The following CA10 variants were observed in gnomAD, a reference collection of about 807,000 sequenced individuals.
CA10 encodes carbonic anhydrase-related protein 10.
CA10 carries 14 observed loss-of-function variants against 44.2 expected under a neutral mutation model. The ratio of observed to expected loss-of-function variants is 0.32; its 90% CI spans 0.21 to 0.50. CA10 has a LOEUF of 0.50. CA10 is among the 20% of genes least tolerant of loss of function. The pLI is 0.99. For missense variants in CA10, 350 were observed against 409.7 expected (o/e 0.85, Z 1.26); for synonymous variants, 159 against 141.6 (o/e 1.12, Z -0.87).
At chr17:52,122,026 T>C (rs1438435445) in intron 1 of CA10, among the ~76,000 whole-genome samples, 2 of 152,194 alleles carry the variant, frequency 1.3e-5, no homozygotes, top group Non-Finnish European at 2.9e-5. Flanking sequence ...GTGTAGCAAA[T>C]ATCCTTTTAT....
At chr17:51,975,777 C>T (rs1598148648) in intron 2 of CA10, among the ~76,000 whole-genome samples, 2 of 149,920 alleles carry the variant, frequency 1.3e-5, no homozygotes, top group Admixed American at 1.3e-4. Flanking sequence ...GCACTAAAAT[C>T]GCTAGATCGT....
intron 4 of CA10, among the ~76,000 whole-genome samples, chr17:51,680,970 A>G (rs1410796878): frequency 6.6e-6 from 1 of 152,168 alleles, no homozygotes; most frequent in East Asian, 1.9e-4. Context: ...AAATCCAAAG[A>G]GAATCTATAT....
chr17:51,952,546 C>A (rs1983524040), intron 2 of CA10, among the ~76,000 whole-genome samples: 2 of 63,258 alleles, frequency 3.2e-5, no homozygotes, highest in African/African-American at 5.5e-5. Flanking sequence ...CAGAGAGGGA[C>A]CCTGTCTCAA....
At chr17:51,894,370 T>C (rs1177275146) in intron 3 of CA10, among the ~76,000 whole-genome samples, 2 of 151,872 alleles carry the variant, frequency 1.3e-5, no homozygotes, top group Non-Finnish European at 2.9e-5. Flanking sequence ...GTTTCCAGAG[T>C]GGGCACTAGC....
At chr17:51,845,828 T>C (rs1282329801) in intron 3 of CA10, among the ~76,000 whole-genome samples, 1 of 152,234 alleles carries the variant, frequency 6.6e-6, no homozygotes, top group African/African-American at 2.4e-5. Context: ...GACTGGCTTC[T>C]GTGAATGAGT....
chr17:51,857,818 C>T (rs1379099635), intron 3 of CA10, among the ~76,000 whole-genome samples: 3 of 152,124 alleles, frequency 2.0e-5, no homozygotes, highest in African/African-American at 7.2e-5. Flanking sequence ...CCTGTCTAGT[C>T]TGCAGGAACA....
chr17:51,997,938 G>A (rs1985293640), intron 2 of CA10, among the ~76,000 whole-genome samples: 1 of 152,066 alleles, frequency 6.6e-6, no homozygotes, highest in African/African-American at 2.4e-5. Flanking sequence ...TTGTAACAAT[G>A]TCAGCCTCCT....
At position 52,115,815 on chromosome 17, in the gene CA10, T is replaced by C. The variant is rs139963592; in HGVS notation, c.61+41911A>G. ...ACAGCAATTAAAAGTTTCTCTCAGC[T>C]GGGCACAGTGGCTCACGCCTGTAAT... On this transcript the variant is annotated intron_variant, in intron 1 of 8. Coordinates refer to ENST00000451037, the MANE Select transcript of CA10 (RefSeq NM_020178.5). Among the ~76,000 whole-genome samples the C allele has an allele frequency of 3.1e-3, 479 of 152,308 alleles. 15 individuals carry two copies. Among genetic ancestry groups the C allele is most frequent in the Admixed American group, 0.027 (407 of 15,304 alleles).
intron 1 of CA10, among the ~76,000 whole-genome samples, chr17:52,091,290 T>C (rs899270090): frequency 1.3e-5 from 2 of 152,160 alleles, no homozygotes; most frequent in Non-Finnish European, 2.9e-5. Flanking sequence ...ATGATTAGGA[T>C]AAAAATGGTA....
At chr17:52,130,681 A>G (rs1324912775) in intron 1 of CA10, among the ~76,000 whole-genome samples, 2 of 152,088 alleles carry the variant, frequency 1.3e-5, no homozygotes, top group African/African-American at 2.4e-5. Flanking sequence ...CAAAGGATAT[A>G]CATGTCTTTT....
At chr17:51,941,815 A>G (rs1272578362) in intron 2 of CA10, among the ~76,000 whole-genome samples, 1 of 152,166 alleles carries the variant, frequency 6.6e-6, no homozygotes, top group Non-Finnish European at 1.5e-5. Context: ...ATTTCCCACA[A>G]ATTCAAACAT....
intron 3 of CA10, among the ~76,000 whole-genome samples, chr17:51,851,665 G>A (rs919043336): frequency 6.6e-6 from 1 of 152,168 alleles, no homozygotes; most frequent in Non-Finnish European, 1.5e-5. Flanking sequence ...GTCAAGGGTT[G>A]TATCCACTTA....
At chr17:51,938,574 T>C (rs1276917659) in intron 2 of CA10, among the ~76,000 whole-genome samples, 2 of 152,168 alleles carry the variant, frequency 1.3e-5, no homozygotes, top group Non-Finnish European at 2.9e-5. Context: ...CAATAGGGTT[T>C]TTAACTCCAA....
chr17:52,123,337 G>A (rs1245908381), intron 1 of CA10, among the ~76,000 whole-genome samples: 2 of 147,676 alleles, frequency 1.4e-5, no homozygotes, highest in Non-Finnish European at 3.0e-5. Flanking sequence ...ATGTGTGTGT[G>A]TGTGTGTGTG....
At chr17:51,675,506 G>A (rs538592157) in intron 4 of CA10, among the ~76,000 whole-genome samples, 26 of 146,366 alleles carry the variant, frequency 1.8e-4, no homozygotes, top group East Asian at 1.0e-3. Flanking sequence ...CTGAGATTGC[G>A]CCACCGCACT....
chr17:51,827,615 C>A (rs969291334), intron 3 of CA10, among the ~76,000 whole-genome samples: 3 of 152,164 alleles, frequency 2.0e-5, no homozygotes, highest in African/African-American at 7.2e-5. Flanking sequence ...ATATTTATTT[C>A]ATGATTGCAT....
chr17:51,717,868 T>TATATACAC (rs1555589918), intron 4 of CA10, among the ~76,000 whole-genome samples: 1 of 105,908 alleles, frequency 9.4e-6, no homozygotes, highest in African/African-American at 3.9e-5. Flanking sequence ...TATATATATA[T>TATATACAC]ACAGGATAGA....
intron 1 of CA10, among the ~76,000 whole-genome samples, chr17:52,112,328 T>C (rs1988804362): frequency 6.6e-6 from 1 of 152,166 alleles, no homozygotes; most frequent in Non-Finnish European, 1.5e-5. Flanking sequence ...TAGAAGCCCA[T>C]AAACTATGGA....
intron 2 of CA10, among the ~76,000 whole-genome samples, chr17:52,032,851 C>T (rs1288219134): frequency 6.6e-6 from 1 of 152,134 alleles, no homozygotes; most frequent in Non-Finnish European, 1.5e-5. Flanking sequence ...AGCATTGATT[C>T]ATTATCCAAA....
Sources: gnomAD v4.1 joint callset for allele counts (sites outside exome capture counted in the v4.1 genomes callset) on GRCh38, gnomAD v4.1.1 for gene constraint, MANE v1.5 for transcripts, NCBI Gene and HGNC (gene_info 2026-07-23, HGNC 2026-07-21) for gene names.